CROCC: variants seen among roughly 807,000 people sequenced by gnomAD.
CROCC encodes the protein rootletin.
A neutral mutation model predicts 245.2 loss-of-function variants in CROCC; 180 were observed. That is an observed-to-expected ratio of 0.73 (90% CI 0.65 to 0.83). The LOEUF (loss-of-function observed/expected upper bound fraction) is 0.83. Among genes scored for constraint, CROCC ranks in the 40% least tolerant of loss-of-function variants. The probability of loss-of-function intolerance (pLI) is 0.00; values close to 1 mark genes in which losing one functional copy is unlikely to be tolerated. For missense variants in CROCC, 2,688 were observed against 2,779.4 expected, an observed-to-expected ratio of 0.97 and a Z score of 0.74; for synonymous variants, 1,205 against 1,241.6, an observed-to-expected ratio of 0.97 and a Z score of 0.62.
chr1:16,930,369 C>T (rs775487562), intron 6 of CROCC, 22 bp downstream of exon 6: 5 of 1,611,052 alleles, frequency 3.1e-6, no homozygotes, highest in Non-Finnish European at 4.2e-6. Flanking sequence ...GCAGGGAGGG[C>T]CAGGGCTGGC....
rs142083993 is a variant in CROCC, at chr1:16,970,398, G to A, written c.5597G>A (p.Arg1866His). The A allele has an allele frequency of 1.1e-4, 171 of 1,605,026 alleles. No individual in the cohort carries two copies. The highest frequency in any genetic ancestry group is 3.4e-4 in the Middle Eastern group (2 of 5,900). ...GAAGCTGAGAAGCGGGAGGTGGAGCGCTCAGCCCTGCGGCTGGAGAAGGAC... is the reference window on the plus strand; with the variant it reads ...GAAGCTGAGAAGCGGGAGGTGGAGCACTCAGCCCTGCGGCTGGAGAAGGAC... ...QLEAEKREVE[R>H]SALRLEKDRV... The change falls in exon 34 of 37, where the codon CGC (arginine) becomes CAC (histidine). Residue 1866 changes from arginine (R) to histidine (H), a missense_variant. Physicochemically the swap from Arg to His is conservative, Grantham distance 29. Around this residue, in one of 9 missense-constraint regions of CROCC, gnomAD observed 1,218 missense variants for 1,286.3 expected, o/e 0.95. Transcript: ENST00000375541.
upstream of CROCC, among the ~76,000 whole-genome samples, chr1:16,920,212 G>A (rs1283360310): frequency 1.3e-5 from 2 of 152,264 alleles, no homozygotes; most frequent in Admixed American, 6.5e-5. Context: ...CCAGGTAGCT[G>A]GGACTACAGG....
At chr1:16,919,652 C>G (rs1170782241), upstream of CROCC, among the ~76,000 whole-genome samples, 1 of 152,276 alleles carries the variant, frequency 6.6e-6, no homozygotes, top group African/African-American at 2.4e-5. Context: ...AGGGCAGGAG[C>G]CCAGACACGT....
At chr1:16,929,483 C>G (rs187943997) in intron 3 of CROCC, among the ~76,000 whole-genome samples, 155 of 152,384 alleles carry the variant, frequency 1.0e-3, no homozygotes, top group Admixed American at 2.6e-3. Flanking sequence ...TGGGAAGACA[C>G]AGGCATCAAT....
At chr1:16,930,392 T>G in intron 6 of CROCC, 37 bp from the exon 7 acceptor site, 1 of 1,611,176 alleles carries the variant, frequency 6.2e-7, no homozygotes, top group Non-Finnish European at 8.5e-7. Context: ...GATGGCCCCC[T>G]GCGCGAGCGC....
chr1:16,964,258 A>G (rs1404299155), intron 27 of CROCC, among the ~76,000 whole-genome samples: 1 of 148,922 alleles, frequency 6.7e-6, no homozygotes, highest in Non-Finnish European at 1.5e-5. Flanking sequence ...CAGCCTCCAG[A>G]CCTCAGCCTC....
chr1:16,969,477 A>G, intron 32 of CROCC, 137 bp downstream of exon 32: 1 of 921,462 alleles, frequency 1.1e-6, no homozygotes, highest in Non-Finnish European at 1.7e-6. Flanking sequence ...CTTTGAAGGG[A>G]GGGCGTGGGC....
chr1:16,943,164 C>T (rs1460626527), intron 13 of CROCC, among the ~76,000 whole-genome samples: 14 of 152,192 alleles, frequency 9.2e-5, no homozygotes, highest in Non-Finnish European at 1.8e-4. Flanking sequence ...ATCGCTTGAA[C>T]TCTGGAGGTG....
chr1:16,929,260 G>A (rs538101506), intron 3 of CROCC, among the ~76,000 whole-genome samples: 1 of 152,410 alleles, frequency 6.6e-6, no homozygotes, highest in African/African-American at 2.4e-5. Context: ...TATGTGTTAT[G>A]TGTGTGCATA....
At chr1:16,946,607 C>T (rs2076052349) in intron 16 of CROCC, among the ~76,000 whole-genome samples, 154 bp from the exon 17 acceptor site, 1 of 152,296 alleles carries the variant, frequency 6.6e-6, no homozygotes, top group African/African-American at 2.4e-5. Flanking sequence ...CTCCTCATCT[C>T]CCCCTCCCCA....
chr1:16,946,210 C>T (rs2076041561), intron 15 of CROCC, 49 bp from the exon 16 acceptor site: 2 of 1,591,246 alleles, frequency 1.3e-6, no homozygotes, highest in Admixed American at 1.8e-5. Flanking sequence ...CTCCTCACCT[C>T]CTCCCGACCT....
chr1:16,970,044 G>A, intron 33 of CROCC, 110 bp downstream of exon 33: 1 of 1,372,468 alleles, frequency 7.3e-7, no homozygotes, highest in Non-Finnish European at 9.8e-7. Context: ...GCAGCCTCCA[G>A]TAAGGAAACA....
At chr1:16,938,590 G>C in intron 11 of CROCC, 107 bp downstream of exon 11, 1 of 1,113,596 alleles carries the variant, frequency 9.0e-7, no homozygotes, top group Non-Finnish European at 1.3e-6. Context: ...GTGGGGGCCT[G>C]GGACCCAGGC....
chr1:16,953,424 T>C lies in CROCC; in HGVS notation c.3129T>C (p.Ala1043=). 2 of 1,610,894 alleles carry C rather than the reference T, an allele frequency of 1.2e-6. No individual in the cohort carries two copies. The highest frequency in any genetic ancestry group is 1.7e-6 in the Non-Finnish European group (2 of 1,179,912). The part of the protein sequence containing the change: ...AEKEELSEEI[A]ALQQERDEGL... Reference sequence around the variant, plus strand: ...AGGAAGAGCTGAGTGAGGAGATTGCTGCCCTGCAGCAGGAGCGCGACGAGG... The same window carrying C: ...AGGAAGAGCTGAGTGAGGAGATTGCCGCCCTGCAGCAGGAGCGCGACGAGG... Residue 1043 remains alanine (A), a synonymous_variant, in exon 21 of 37, where the codon GCT becomes GCC. Transcript: ENST00000375541.
intron 3 of CROCC, among the ~76,000 whole-genome samples, 186 bp downstream of exon 3, chr1:16,924,665 C>G (rs1470889909): frequency 6.6e-6 from 1 of 152,384 alleles, no homozygotes; most frequent in African/African-American, 2.4e-5. Flanking sequence ...AGCCTGTTTT[C>G]TGTAGTGGGG....
In CROCC at chr1:16,948,450, C is replaced by T. The variant is rs113252066; in HGVS notation, c.2634C>T (p.His878=). ...AGAAGGAGGCGCTAGCCAAGGAGCA[C>T]GCTGGCCTGGCTGTGCAGCTGGTGG... ...AREKEALAKE[H]AGLAVQLVAA... The change falls in exon 18 of 37, where the codon CAC becomes CAT. Residue 878 remains histidine, a synonymous_variant. Transcript: ENST00000375541. 678 of 1,562,902 alleles carry T rather than the reference C, an allele frequency of 4.3e-4. No homozygotes were observed. The highest frequency in any genetic ancestry group is 4.3e-3 in the African/African-American group (319 of 73,968).
intron 27 of CROCC, among the ~76,000 whole-genome samples, chr1:16,962,713 AATATAC>A (rs1570703252): frequency 6.7e-6 from 1 of 149,210 alleles, no homozygotes; most frequent in Non-Finnish European, 1.5e-5. Context: ...TGTGTATATA[AATATAC>A]ATATATATAT....
At chr1:16,948,953 A>T in intron 19 of CROCC, 27 bp downstream of exon 19, 2 of 1,608,826 alleles carry the variant, frequency 1.2e-6, no homozygotes, top group Non-Finnish European at 1.7e-6. Context: ...ACTTGGGGGG[A>T]ACACCAGGTT....
rs1379603868 is a variant in CROCC at position 16,972,781 on chromosome 1, CAGGCCCAGGGCA to C, written c.*336_*347del. ...GGATCGTGGGAAAGAGGAGGGGGAC[CAGGCCCAGGGCA>C]GGGGTCAGAGGCCCAGGCCCTGACT... is the stretch of plus-strand genomic sequence containing the variant. On this transcript the variant is annotated 3_prime_UTR_variant, in exon 37 of 37. Coordinates refer to ENST00000375541, the MANE Select transcript of CROCC (RefSeq NM_014675.5). 2 of 191,192 alleles carry C rather than the reference CAGGCCCAGGGCA, an allele frequency of 1.0e-5. No individual in the cohort carries two copies. The highest frequency in any genetic ancestry group is 4.7e-5 in the African/African-American group (2 of 42,568). The allele number at this position is 191,192 out of a possible 1,614,324, so 11.8% of individuals were successfully genotyped here.
Sources: gnomAD v4.1 joint callset for allele counts (sites outside exome capture counted in the v4.1 genomes callset) on GRCh38, gnomAD v4.1.1 for gene constraint, gnomAD v4.1.1 regional missense constraint, MANE v1.5 for transcripts, NCBI Gene and HGNC (gene_info 2026-07-23, HGNC 2026-07-21) for gene names.